ADGRL2: variants seen among roughly 807,000 people sequenced by gnomAD.
ADGRL2 encodes the protein adhesion G protein-coupled receptor L2.
Under a neutral mutation model 157.4 loss-of-function variants are expected in ADGRL2, and 44 were observed. The observed-to-expected ratio is 0.28, with a 90% CI of 0.22 to 0.36. The LOEUF (loss-of-function observed/expected upper bound fraction) is 0.36. Ranked by LOEUF, ADGRL2 falls within the 10% of genes least tolerant of loss-of-function variation. ADGRL2 has a pLI of 1.00. For synonymous variants in ADGRL2, 585 were observed against 624.7 expected (o/e 0.94, Z 0.95); for missense variants, 1,510 against 1,768.9 (o/e 0.85, Z 2.63).
chr1:81,879,887 C>G (rs2093942046), intron 2 of ADGRL2, among the ~76,000 whole-genome samples: 1 of 152,020 alleles, frequency 6.6e-6, no homozygotes, highest in South Asian at 2.1e-4. Context: ...ATTAGCCGGG[C>G]TTGTTGGCAC....
At chr1:81,627,536 TG>T (rs2081934473) in intron 3 of ADGRL2, among the ~76,000 whole-genome samples, 2 of 152,206 alleles carry the variant, frequency 1.3e-5, no homozygotes, top group South Asian at 4.1e-4. Flanking sequence ...CATTATTTTA[TG>T]TAATCTTACA....
chr1:81,669,117 A>G (rs566343069), intron 3 of ADGRL2, among the ~76,000 whole-genome samples: 17 of 151,894 alleles, frequency 1.1e-4, no homozygotes, highest in Middle Eastern at 6.8e-3. Flanking sequence ...TTGTTTATCT[A>G]TTTTCCCAAA....
chr1:81,876,793 G>A (rs1184182147), intron 2 of ADGRL2, among the ~76,000 whole-genome samples: 1 of 152,132 alleles, frequency 6.6e-6, no homozygotes, highest in East Asian at 1.9e-4. Context: ...AAATTATTAA[G>A]ATTTCTTGAC....
intron 1 of ADGRL2, among the ~76,000 whole-genome samples, chr1:81,738,755 C>T (rs1018781790): frequency 2.6e-5 from 4 of 152,216 alleles, no homozygotes; most frequent in Non-Finnish European, 5.9e-5. Context: ...CATTCTAGCA[C>T]CTGTGTTGCT....
chr1:81,438,456 A>G (rs933221118), intron 1 of ADGRL2, among the ~76,000 whole-genome samples: 1 of 152,194 alleles, frequency 6.6e-6, no homozygotes, highest in African/African-American at 2.4e-5. Flanking sequence ...TATTATATCA[A>G]CATGTTTGAA....
intron 16 of ADGRL2, 76 bp downstream of exon 16, chr1:81,970,610 C>A (rs6690427): frequency 1.1e-5 from 11 of 1,035,220 alleles, no homozygotes; most frequent in African/African-American, 1.6e-5. Context: ...AGTGAGGGTC[C>A]CTGACAGATT....
intron 1 of ADGRL2, among the ~76,000 whole-genome samples, chr1:81,834,924 T>C (rs993162083): frequency 6.6e-6 from 1 of 152,194 alleles, no homozygotes; most frequent in African/African-American, 2.4e-5. Context: ...AGATATTCTT[T>C]CCTGGCCAAA....
chr1:81,465,698 ATGT>A (rs1325138752), intron 2 of ADGRL2, among the ~76,000 whole-genome samples: 1 of 152,198 alleles, frequency 6.6e-6, no homozygotes, highest in Admixed American at 6.5e-5. Flanking sequence ...ACTTAGAGAA[ATGT>A]TGTCTCACTG....
At chr1:81,684,500 CTTGT>C (rs2083190439) in intron 3 of ADGRL2, among the ~76,000 whole-genome samples, 1 of 151,992 alleles carries the variant, frequency 6.6e-6, no homozygotes, top group South Asian at 2.1e-4. Context: ...CTCTTACTGA[CTTGT>C]TTGAGTTCAT....
At chr1:81,484,216 G>T (rs2078451898) in intron 2 of ADGRL2, among the ~76,000 whole-genome samples, 1 of 152,098 alleles carries the variant, frequency 6.6e-6, no homozygotes, top group Admixed American at 6.5e-5. Context: ...AAACAAATAT[G>T]TCTCTATTTC....
At chr1:81,557,040 G>T in intron 2 of ADGRL2, 1 of 168,268 alleles carries the variant, frequency 5.9e-6, no homozygotes. Context: ...AAAAAAGAAA[G>T]AAAGAAGAAG....
At chr1:81,576,158 G>T (rs1289828626) in intron 2 of ADGRL2, among the ~76,000 whole-genome samples, 5 of 152,046 alleles carry the variant, frequency 3.3e-5, no homozygotes, top group African/African-American at 1.2e-4. Context: ...ATGAAGTGGT[G>T]GATGAGGTGG....
chr1:81,907,360 C>A (rs577462706), intron 3 of ADGRL2, 130 bp downstream of exon 3: 3 of 666,044 alleles, frequency 4.5e-6, no homozygotes, highest in South Asian at 3.9e-5. Flanking sequence ...TGGGTTTTTA[C>A]CTACTAATGT....
At chr1:81,470,783 A>C (rs1212401352) in intron 2 of ADGRL2, among the ~76,000 whole-genome samples, 1 of 152,244 alleles carries the variant, frequency 6.6e-6, no homozygotes, top group East Asian at 1.9e-4. Context: ...CTCAAAGATC[A>C]AAAAGCAAAT....
intron 3 of ADGRL2, among the ~76,000 whole-genome samples, chr1:81,636,055 C>T (rs985565852): frequency 2.3e-4 from 35 of 152,130 alleles, no homozygotes; most frequent in African/African-American, 8.5e-4. Flanking sequence ...CTTGCTCAGC[C>T]CCTAAAACAG....
At chr1:81,801,482 A>G (rs1422600343) in intron 1 of ADGRL2, among the ~76,000 whole-genome samples, 3 of 152,238 alleles carry the variant, frequency 2.0e-5, no homozygotes, top group East Asian at 3.9e-4. Flanking sequence ...TGCTGGGGCG[A>G]AATCGGGAGC....
At chr1:81,763,287 T>TA (rs907859336) in intron 2 of ADGRL2, among the ~76,000 whole-genome samples, 7 of 148,532 alleles carry the variant, frequency 4.7e-5, no homozygotes, top group African/African-American at 7.4e-5. Flanking sequence ...GATAACCAAT[T>TA]AAAAAAAAAA....
intron 1 of ADGRL2, among the ~76,000 whole-genome samples, chr1:81,728,615 G>A (rs2084617904): frequency 6.6e-6 from 1 of 152,010 alleles, no homozygotes; most frequent in South Asian, 2.1e-4. Flanking sequence ...ACCAACATTG[G>A]GAGATCCAAT....
intron 3 of ADGRL2, among the ~76,000 whole-genome samples, chr1:81,585,622 T>G (rs2081010484): frequency 6.6e-6 from 1 of 152,138 alleles, no homozygotes; most frequent in African/African-American, 2.4e-5. Context: ...TTTGTTTAAC[T>G]TGATGTAAGT....
Sources: allele counts gnomAD v4.1 joint callset (sites outside exome capture counted in the v4.1 genomes callset), GRCh38; gene constraint gnomAD v4.1.1; transcripts MANE v1.5; gene names NCBI Gene and HGNC (gene_info 2026-07-23, HGNC 2026-07-21).